OTOA: variants seen among roughly 807,000 people sequenced by gnomAD.
The protein encoded by OTOA is otoancorin.
A neutral mutation model predicts 110.8 loss-of-function variants in OTOA; 70 were observed. The observed-to-expected ratio is 0.63, with a 90% CI of 0.52 to 0.77. OTOA has a LOEUF of 0.77. Ranked by LOEUF, OTOA falls within the 30% of genes least tolerant of loss-of-function variation. The probability of loss-of-function intolerance (pLI) is 0.00; values close to 1 mark genes in which losing one functional copy is unlikely to be tolerated. For synonymous variants in OTOA, 373 were observed against 431.5 expected (o/e 0.86, Z 1.68); for missense variants, 917 against 1,075.8 (o/e 0.85, Z 2.06).
At chr16:21,707,661 TTCTTTC>T (rs1567379637) in intron 12 of OTOA, among the ~76,000 whole-genome samples, 1 of 125,524 alleles carries the variant, frequency 8.0e-6, no homozygotes, top group South Asian at 2.6e-4. Flanking sequence ...TTCTTTCTCT[TTCTTTC>T]TCTTTCTGTC....
In OTOA at chr16:21,705,299, C is replaced by G. The variant is rs766191675; in HGVS notation, c.1104+7C>G. The G allele has an allele frequency of 8.7e-6, 14 of 1,613,630 alleles. No individual in the cohort carries two copies. Among genetic ancestry groups the G allele is most frequent in the Non-Finnish European group, 1.2e-5 (14 of 1,180,010 alleles). On this transcript the variant is annotated splice_region_variant and intron_variant, in intron 12 of 28. Coordinates refer to ENST00000646100, the MANE Select transcript of OTOA (RefSeq NM_144672.4). ...CCAGGCTGGCGTCCAGAAGGTACAG[C>G]TGGGGTGCAAGGCCCTGAGGCCTCT...
intron 11 of OTOA, among the ~76,000 whole-genome samples, chr16:21,701,912 C>A: frequency 6.7e-6 from 1 of 148,418 alleles, no homozygotes; most frequent in South Asian, 2.1e-4. Flanking sequence ...GCTGGGATTA[C>A]AGGCATGAGC....
chr16:21,727,958 G>A (rs918966596), intron 19 of OTOA, among the ~76,000 whole-genome samples: 1 of 151,098 alleles, frequency 6.6e-6, no homozygotes, highest in Non-Finnish European at 1.5e-5. Context: ...TCTGCCTCCC[G>A]GGTTCAAGCA....
intron 5 of OTOA, among the ~76,000 whole-genome samples, chr16:21,679,585 A>G (rs911548057): frequency 6.6e-6 from 1 of 151,964 alleles, no homozygotes; most frequent in Non-Finnish European, 1.5e-5. Flanking sequence ...TTGTATTTTT[A>G]GTAGAGATGG....
rs1332276288 is a variant in OTOA at position 21,710,075 on chromosome 16, T to C, written c.1292T>C (p.Leu431Ser). Residue 431 changes from leucine to serine, a missense_variant, in exon 13 of 29, where the codon TTG (leucine) becomes TCG (serine). By Grantham distance (145) the Leu-to-Ser change is moderately radical (BLOSUM62 -2). Around this residue, in one of 6 missense-constraint regions of OTOA, gnomAD observed 840 missense variants for 910.2 expected, o/e 0.92. Coordinates refer to ENST00000646100, the MANE Select transcript of OTOA (RefSeq NM_144672.4). The stretch of plus-strand genomic sequence containing the variant: ...TGGGCCAAGAGCCAGGTCATCATCT[T>C]GTCTGCCAAATACTTGGCCCATGAG... The part of the protein sequence containing the change: ...SGWAKSQVII[L>S]SAKYLAHEKV... 1.9e-6 allele frequency: 3 copies of C among 1,613,776 alleles called. No individual in the cohort carries two copies. In the Admixed American group the frequency reaches 5.0e-5, roughly 27 times the overall value.
In OTOA at chr16:21,735,098, A is replaced by G. The variant is rs367676936; in HGVS notation, c.2302-1163A>G. 7.4e-3 allele frequency among the ~76,000 whole-genome samples: 1,115 copies of G among 150,060 alleles called. 35 individuals carry two copies. Among genetic ancestry groups the G allele is most frequent in the Admixed American group, 0.056 (836 of 14,922 alleles). ...GGAGGTTGCAGTGAGTGGAGATCAC[A>G]CCACTGTATTCCAGCTTGAGCAACA... On this transcript the variant is annotated intron_variant, in intron 21 of 28. Transcript: ENST00000646100.
chr16:21,666,766 C>T (rs1966840911), intron 1 of OTOA, among the ~76,000 whole-genome samples: 1 of 152,094 alleles, frequency 6.6e-6, no homozygotes, highest in Non-Finnish European at 1.5e-5. Flanking sequence ...AAATCATCAT[C>T]GCCCTGCCCA....
At chr16:21,680,707 G>A (rs974557188) in intron 5 of OTOA, among the ~76,000 whole-genome samples, 4 of 151,890 alleles carry the variant, frequency 2.6e-5, no homozygotes, top group Non-Finnish European at 4.4e-5. Flanking sequence ...AGAAAAATGA[G>A]CTGGATGTGG....
At chr16:21,681,940 A>G (rs1966899695) in intron 6 of OTOA, 115 bp downstream of exon 6, 1 of 959,664 alleles carries the variant, frequency 1.0e-6, no homozygotes, top group Non-Finnish European at 1.6e-6. Context: ...TTGCTTCTGC[A>G]AGGAAAAGGG....
chr16:21,701,583 G>C (rs1056432563), intron 11 of OTOA, among the ~76,000 whole-genome samples: 2 of 152,056 alleles, frequency 1.3e-5, no homozygotes, highest in African/African-American at 2.4e-5. Context: ...TGGGAAGGAG[G>C]TGGTGAGTAC....
chr16:21,714,914 A>G (rs1169253800), intron 13 of OTOA, 71 bp from the exon 14 acceptor site: 3 of 1,598,226 alleles, frequency 1.9e-6, no homozygotes, highest in African/African-American at 1.3e-5. Flanking sequence ...TGGCACATAG[A>G]TGGGCTGAGT....
intron 5 of OTOA, among the ~76,000 whole-genome samples, chr16:21,681,500 T>C (rs902748943): frequency 2.0e-5 from 3 of 152,094 alleles, no homozygotes; most frequent in Middle Eastern, 3.4e-3. Flanking sequence ...GGAAGATCAC[T>C]TGGGCTGGGG....
intron 12 of OTOA, among the ~76,000 whole-genome samples, chr16:21,707,633 CTTTCTTT>C (rs1898217670): frequency 4.7e-5 from 5 of 106,930 alleles, no homozygotes; most frequent in African/African-American, 1.5e-4. Flanking sequence ...TTCTTTCTTT[CTTTCTTT>C]CTTTCTTTCT....
chr16:21,688,816 G>A (rs1234608801), intron 8 of OTOA, among the ~76,000 whole-genome samples: 2 of 152,124 alleles, frequency 1.3e-5, no homozygotes, highest in African/African-American at 4.8e-5. Context: ...TGGGAATTAG[G>A]ATTTCAACAC....
intron 9 of OTOA, among the ~76,000 whole-genome samples, chr16:21,693,284 C>T (rs1897870430): frequency 6.6e-6 from 1 of 152,010 alleles, no homozygotes; most frequent in Admixed American, 6.6e-5. Context: ...AACAAACAAA[C>T]AAACAAACAA....
chr16:21,757,737 G>A (rs1303039979), intron 28 of OTOA, among the ~76,000 whole-genome samples: 1 of 151,952 alleles, frequency 6.6e-6, no homozygotes, highest in Non-Finnish European at 1.5e-5. Context: ...TCCCACCTCA[G>A]CCTCCCAGTA....
intron 11 of OTOA, among the ~76,000 whole-genome samples, chr16:21,701,609 C>A (rs1436500906): frequency 6.6e-6 from 1 of 151,908 alleles, no homozygotes; most frequent in African/African-American, 2.4e-5. Context: ...AATACTCCCT[C>A]CTTTTCCTTT....
chr16:21,728,482 G>C (rs1347836847), intron 20 of OTOA, 51 bp downstream of exon 20: 1 of 1,583,456 alleles, frequency 6.3e-7, no homozygotes, highest in African/African-American at 1.4e-5. Context: ...CTCTGTGGAG[G>C]GACACTCAAC....
intron 1 of OTOA, among the ~76,000 whole-genome samples, chr16:21,666,274 C>G (rs1267335717): frequency 7.2e-6 from 1 of 138,768 alleles, no homozygotes. Context: ...TGGAAAATCT[C>G]CCAGCTAGTG....
Sources: gnomAD v4.1 joint callset for allele counts (sites outside exome capture counted in the v4.1 genomes callset) on GRCh38, gnomAD v4.1.1 for gene constraint, gnomAD v4.1.1 regional missense constraint, MANE v1.5 for transcripts, NCBI Gene and HGNC (gene_info 2026-07-23, HGNC 2026-07-21) for gene names.